TAF1: variants seen among roughly 807,000 people sequenced by gnomAD.
TAF1 encodes the protein transcription initiation factor TFIID subunit 1.
A neutral mutation model predicts 138.5 loss-of-function variants in TAF1; 2 were observed. That is an observed-to-expected ratio of 0.01 (90% CI 0.01 to 0.05). TAF1 has a LOEUF of 0.05. Ranked by LOEUF, TAF1 falls within the 10% of genes least tolerant of loss-of-function variation. The pLI is 1.00. For synonymous variants in TAF1, 437 were observed against 503.2 expected (o/e 0.87, Z 1.76); for missense variants, 709 against 1,478.0 (o/e 0.48, Z 8.53).
Position 71,406,500 on chromosome X carries a change from T to C in TAF1, c.3999-138T>C, listed in dbSNP as rs2035479165. The C allele has an allele frequency of 6.0e-6, 3 of 496,352 alleles. No individual in the cohort carries two copies. In the Admixed American group the frequency reaches 1.2e-4, roughly 20 times the overall value. The allele number at this position is 496,352 out of a possible 1,213,427, so 40.9% of individuals were successfully genotyped here. ...CCTGATCTGAACCTTAGAAGGTGGATGTTTGGCCTTTGGTTTGGCTTTTTC... is the reference window on the plus strand; with the variant it reads ...CCTGATCTGAACCTTAGAAGGTGGACGTTTGGCCTTTGGTTTGGCTTTTTC... On this transcript the variant is annotated intron_variant, in intron 25 of 37. Coordinates refer to ENST00000423759, the MANE Select transcript of TAF1 (RefSeq NM_004606.5).
At chrX:71,382,927 G>C in intron 11 of TAF1, 59 bp downstream of exon 11, 1 of 1,192,533 alleles carries the variant, frequency 8.4e-7, no homozygotes, top group Non-Finnish European at 1.1e-6. Flanking sequence ...TCTGACGGAG[G>C]ATATGGGAAA....
chrX:71,481,808 C>T (rs1459394223), intron 13 of TAF1, among the ~76,000 whole-genome samples: 6 of 111,969 alleles, frequency 5.4e-5, no homozygotes, highest in South Asian at 3.7e-4. Context: ...CCGCCTGCCT[C>T]GGCCTCCCAA....
intron 35 of TAF1, chrX:71,459,154 G>A (rs758848092): frequency 5.2e-5 from 55 of 1,064,772 alleles, no homozygotes; most frequent in South Asian, 7.2e-5. Context: ...ACTCAGATGC[G>A]CCAGGGCCGA....
intron 32 of TAF1, among the ~76,000 whole-genome samples, chrX:71,429,360 C>T (rs1323126761): frequency 9.0e-6 from 1 of 111,017 alleles, no homozygotes; most frequent in Non-Finnish European, 1.9e-5. Context: ...ATGATAATAA[C>T]TACTTATTGA....
At chrX:71,383,210 G>T (rs372779877) in intron 12 of TAF1, 46 bp downstream of exon 12, 126 of 1,154,139 alleles carry the variant, frequency 1.1e-4, no homozygotes, top group Non-Finnish European at 1.4e-4. Context: ...GGATATTGGG[G>T]TATAAATTAA....
At chrX:71,469,569 A>G (rs1021719765), downstream of TAF1, among the ~76,000 whole-genome samples, 4 of 108,438 alleles carry the variant, frequency 3.7e-5, no homozygotes, top group Non-Finnish European at 7.7e-5. Context: ...GGTGGTGCAC[A>G]CCTGTAGTCC....
chrX:71,397,613 G>T, intron 23 of TAF1, 147 bp downstream of exon 23: 1 of 674,800 alleles, frequency 1.5e-6, no homozygotes, highest in Non-Finnish European at 2.2e-6. Flanking sequence ...TTCCAGAGTA[G>T]CTGGGATTAC....
intron 32 of TAF1, among the ~76,000 whole-genome samples, chrX:71,450,688 A>G (rs1369294230): frequency 8.9e-6 from 1 of 112,343 alleles, no homozygotes; most frequent in Non-Finnish European, 1.9e-5. Flanking sequence ...ATTTCACTGT[A>G]CTAGACTATA....
At chrX:71,427,823 C>T (rs1211218829) in intron 32 of TAF1, among the ~76,000 whole-genome samples, 1 of 105,760 alleles carries the variant, frequency 9.5e-6, no homozygotes, top group African/African-American at 3.4e-5. Flanking sequence ...CCTGTAATCC[C>T]AGCTACTCAG....
rs749294476 is a variant in TAF1, at chrX:71,452,880, G to A, written c.4754-1290G>A. The stretch of plus-strand genomic sequence containing the variant: ...TGGAGACCAGCCCGGCCAACACAGC[G>A]AAACCCGGTCTCCACCAAAAAAATA... On this transcript the variant is annotated intron_variant, in intron 32 of 37. Transcript: ENST00000423759. Among the ~76,000 whole-genome samples, 35 of 112,488 alleles carry A rather than the reference G, an allele frequency of 3.1e-4. No individual in the cohort carries two copies. In the South Asian group the frequency reaches 9.2e-3, roughly 30 times the overall value.
chrX:71,421,202 C>A, intron 28 of TAF1, 107 bp from the exon 29 acceptor site: 1 of 670,181 alleles, frequency 1.5e-6, no homozygotes. Context: ...TAGCCTGGTG[C>A]CTGACACATT....
intron 32 of TAF1, among the ~76,000 whole-genome samples, chrX:71,447,653 C>T (rs778537196): frequency 4.7e-5 from 5 of 106,316 alleles, no homozygotes; most frequent in South Asian, 8.6e-4. Flanking sequence ...GCAGAGATCG[C>T]GCCACTGTAC....
At chrX:71,457,227 A>G (rs1015591440) in intron 34 of TAF1, among the ~76,000 whole-genome samples, 2 of 112,537 alleles carry the variant, frequency 1.8e-5, no homozygotes, top group Middle Eastern at 4.6e-3. Context: ...AAAAAACACA[A>G]TGTAACACAT....
chrX:71,451,687 C>T (rs1392442928), intron 32 of TAF1, among the ~76,000 whole-genome samples: 2 of 109,800 alleles, frequency 1.8e-5, no homozygotes, highest in Admixed American at 1.9e-4. Context: ...TCTTAAGGAG[C>T]ATGCTGCCTT....
At chrX:71,426,574 G>A (rs2036600051) in intron 32 of TAF1, among the ~76,000 whole-genome samples, 1 of 110,819 alleles carries the variant, frequency 9.0e-6, no homozygotes, top group Non-Finnish European at 1.9e-5. Flanking sequence ...AATTAGCTGG[G>A]CATGGTGGTG....
At chrX:71,420,095 C>A in intron 28 of TAF1, 1 of 441,135 alleles carries the variant, frequency 2.3e-6, no homozygotes. Flanking sequence ...AAGGGGAGTA[C>A]CATGATGTCG....
rs929289982 is a variant in TAF1, at chrX:71,389,605, A to G, written c.2721A>G (p.Lys907=). ...TCCAGGATGCTGGCTATGGTGAGAA[A>G]TCCTTTTTTGCTCCAGAAGAAGAAA... The part of the protein sequence containing the change: ...QRLKDAGYGE[K]SFFAPEEENE... Residue 907 remains lysine, a synonymous_variant, in exon 18 of 38, where the codon AAA becomes AAG. Coordinates refer to ENST00000423759, the MANE Select transcript of TAF1 (RefSeq NM_004606.5). 12 of 1,207,970 alleles carry G rather than the reference A, an allele frequency of 9.9e-6. No homozygotes were observed. Among genetic ancestry groups the G allele is most frequent in the Non-Finnish European group, 1.3e-5 (12 of 894,410 alleles).
chrX:71,460,966 T>A (rs1039493294), intron 37 of TAF1, 163 bp downstream of exon 37: 16 of 670,245 alleles, frequency 2.4e-5, no homozygotes, highest in East Asian at 7.1e-5. Context: ...GCAAAACATA[T>A]CCTGCCCTTG....
intron 28 of TAF1, chrX:71,420,403 G>A (rs2036267065): frequency 5.8e-6 from 7 of 1,208,650 alleles, no homozygotes; most frequent in South Asian, 3.5e-5. Context: ...ATGGTAACAC[G>A]GTTGACTGAA....
Sources: gnomAD v4.1 joint callset for allele counts (sites outside exome capture counted in the v4.1 genomes callset) on GRCh38, gnomAD v4.1.1 for gene constraint, MANE v1.5 for transcripts, NCBI Gene and HGNC (gene_info 2026-07-23, HGNC 2026-07-21) for gene names.